The following SLC44A5 variants were observed in gnomAD, a reference collection of about 807,000 sequenced individuals.
SLC44A5 encodes the protein solute carrier family 44 member 5.
A neutral mutation model predicts 101.8 loss-of-function variants in SLC44A5; 57 were observed. The observed-to-expected ratio is 0.56, with a 90% CI of 0.45 to 0.70. The LOEUF is 0.70. Among genes scored for constraint, SLC44A5 ranks in the 30% least tolerant of loss-of-function variants. The probability of loss-of-function intolerance (pLI) is 0.00; values close to 1 mark genes in which losing one functional copy is unlikely to be tolerated. For missense variants in SLC44A5, 737 were observed against 853.1 expected (o/e 0.86, Z 1.70); for synonymous variants, 281 against 290.9 (o/e 0.97, Z 0.35).
At chr1:75,305,720 T>A (rs1479443045) in intron 4 of SLC44A5, among the ~76,000 whole-genome samples, 1 of 152,234 alleles carries the variant, frequency 6.6e-6, no homozygotes, top group Non-Finnish European at 1.5e-5. Flanking sequence ...GGTTTACACC[T>A]CTTTCCCTAG....
At chr1:75,520,573 G>T (rs918955183) in intron 2 of SLC44A5, among the ~76,000 whole-genome samples, 2 of 152,090 alleles carry the variant, frequency 1.3e-5, no homozygotes, top group Non-Finnish European at 2.9e-5. Context: ...GAATGAGAAA[G>T]AGGAGGGGAA....
chr1:75,203,626 A>G lies in SLC44A5; in HGVS notation c.*101T>C, dbSNP rs1462181080. On this transcript the variant is annotated 3_prime_UTR_variant, in exon 24 of 24. Coordinates refer to ENST00000370859, the MANE Select transcript of SLC44A5 (RefSeq NM_001130058.2). The stretch of plus-strand genomic sequence containing the variant: ...AATGCAAGCCAACAAGGTCGTGAAT[A>G]CAGTGTTGCTAAACACAAAGCACTT... 6 of 1,371,420 alleles carry G rather than the reference A, an allele frequency of 4.4e-6. No individual in the cohort carries two copies. Among genetic ancestry groups the G allele is most frequent in the South Asian group, 1.6e-5 (1 of 62,268 alleles). The allele number at this position is 1,371,420 out of a possible 1,614,324, so 85.0% of individuals were successfully genotyped here. A position where few individuals can be genotyped will look rare whatever the true frequency, so the allele number is the denominator to read the frequency against.
chr1:75,657,521 C>T, the SLC44A5 span, among the ~76,000 whole-genome samples: 1 of 149,098 alleles, frequency 6.7e-6, no homozygotes, highest in Non-Finnish European at 1.5e-5. Flanking sequence ...GCACTCCAGC[C>T]TGAGTGACTG....
At chr1:75,468,475 T>C (rs1280318412) in intron 2 of SLC44A5, among the ~76,000 whole-genome samples, 1 of 152,178 alleles carries the variant, frequency 6.6e-6, no homozygotes, top group Non-Finnish European at 1.5e-5. Flanking sequence ...CACCATGTAG[T>C]ACTATTCAGC....
At chr1:75,298,330 A>G (rs1172796300) in intron 5 of SLC44A5, among the ~76,000 whole-genome samples, 3 of 152,176 alleles carry the variant, frequency 2.0e-5, no homozygotes, top group Non-Finnish European at 2.9e-5. Context: ...GTGAGTCACT[A>G]ATTTTAATCA....
chr1:75,635,759 T>C, the SLC44A5 span, among the ~76,000 whole-genome samples: 368 of 151,714 alleles, frequency 2.4e-3, 3 homozygotes, highest in African/African-American at 8.4e-3. Context: ...TATACATATG[T>C]AACTAACCTG....
chr1:75,432,304 A>T (rs1253877105), intron 2 of SLC44A5, among the ~76,000 whole-genome samples: 4 of 152,148 alleles, frequency 2.6e-5, no homozygotes, highest in African/African-American at 4.8e-5. Context: ...TCCCACTATG[A>T]GGCTGTTTCA....
the SLC44A5 span, among the ~76,000 whole-genome samples, chr1:75,659,628 A>C: frequency 4.2e-3 from 12 of 2,878 alleles, no homozygotes; most frequent in South Asian, 0.023. Flanking sequence ...CATCTCTACC[A>C]AAAAAAAAAA....
At position 75,364,848 on chromosome 1, in the gene SLC44A5, A is replaced by G. The variant is rs138074455; in HGVS notation, c.53-25218T>C. ...TCATGGAGCTCACTGATTCTTTATT[A>G]TGATTTAGGAAGCCTGCTACTGAAG... On this transcript the variant is annotated intron_variant, in intron 3 of 23. Coordinates refer to ENST00000370859, the MANE Select transcript of SLC44A5 (RefSeq NM_001130058.2). Among the ~76,000 whole-genome samples the G allele has an allele frequency of 4.9e-3, 744 of 152,104 alleles. 9 individuals are homozygous for G. Among genetic ancestry groups the G allele is most frequent in the African/African-American group, 0.017 (714 of 41,494 alleles).
chr1:75,542,522 T>A (rs1185590466), intron 1 of SLC44A5, among the ~76,000 whole-genome samples: 3 of 152,136 alleles, frequency 2.0e-5, no homozygotes, highest in Non-Finnish European at 2.9e-5. Flanking sequence ...CATGTTATCA[T>A]TTTTTAAGTA....
chr1:75,404,925 C>T (rs1237461422), intron 2 of SLC44A5, among the ~76,000 whole-genome samples: 1 of 152,212 alleles, frequency 6.6e-6, no homozygotes, highest in East Asian at 1.9e-4. Flanking sequence ...AGTCAAGACC[C>T]ATTAGTGTGC....
At chr1:75,236,606 T>C (rs1458704677) in intron 11 of SLC44A5, among the ~76,000 whole-genome samples, 1 of 151,972 alleles carries the variant, frequency 6.6e-6, no homozygotes, top group Non-Finnish European at 1.5e-5. Context: ...GAGGGACGAA[T>C]TAGAAAAAAG....
chr1:75,517,620 G>C (rs1169521977), intron 2 of SLC44A5, among the ~76,000 whole-genome samples: 1 of 152,148 alleles, frequency 6.6e-6, no homozygotes, highest in East Asian at 1.9e-4. Flanking sequence ...CTGACAATAA[G>C]ATCTGACTGC....
intron 3 of SLC44A5, 66 bp downstream of exon 3, chr1:75,396,517 C>T: frequency 7.9e-7 from 1 of 1,261,450 alleles, no homozygotes; most frequent in Non-Finnish European, 1.1e-6. Flanking sequence ...AAAAGAATCA[C>T]ATATTTCTCA....
intron 1 of SLC44A5, among the ~76,000 whole-genome samples, chr1:75,590,276 G>T (rs1446098455): frequency 6.6e-6 from 1 of 152,032 alleles, no homozygotes; most frequent in African/African-American, 2.4e-5. Context: ...TCTGTTCTAG[G>T]CCCTAGCTGA....
the SLC44A5 span, among the ~76,000 whole-genome samples, chr1:75,693,415 C>T: frequency 2.0e-5 from 3 of 152,288 alleles, no homozygotes; most frequent in Admixed American, 2.0e-4. Flanking sequence ...AACCCACTGC[C>T]TCCTAGTTTT....
the SLC44A5 span, among the ~76,000 whole-genome samples, chr1:75,623,421 C>T: frequency 6.6e-6 from 1 of 152,042 alleles, no homozygotes; most frequent in African/African-American, 2.4e-5. Flanking sequence ...AAGATCAGAG[C>T]AGTAATTTCT....
intron 4 of SLC44A5, among the ~76,000 whole-genome samples, chr1:75,332,197 T>C (rs1315367185): frequency 1.3e-5 from 2 of 152,172 alleles, no homozygotes; most frequent in African/African-American, 4.8e-5. Context: ...TACTGAATAA[T>C]TGGTATATTT....
chr1:75,383,551 C>T (rs1037898499), intron 3 of SLC44A5, among the ~76,000 whole-genome samples: 3 of 151,978 alleles, frequency 2.0e-5, no homozygotes, highest in Non-Finnish European at 4.4e-5. Context: ...AAATATGGGA[C>T]TATGTGAAAA....
Sources: gnomAD v4.1 joint callset for allele counts (sites outside exome capture counted in the v4.1 genomes callset) on GRCh38, gnomAD v4.1.1 for gene constraint, MANE v1.5 for transcripts, NCBI Gene and HGNC (gene_info 2026-07-23, HGNC 2026-07-21) for gene names.